FOXP2: variants seen among roughly 807,000 people sequenced by gnomAD.
FOXP2 encodes the protein forkhead box protein P2.
FOXP2 carries 12 observed loss-of-function variants against 115.8 expected under a neutral mutation model. That is an observed-to-expected ratio of 0.10 (90% CI 0.07 to 0.17). FOXP2 has a LOEUF of 0.17. Ranked by LOEUF, FOXP2 falls within the 10% of genes least tolerant of loss-of-function variation. The probability of loss-of-function intolerance (pLI) is 1.00; values close to 1 mark genes in which losing one functional copy is unlikely to be tolerated. For missense variants in FOXP2, 629 were observed against 843.5 expected, an observed-to-expected ratio of 0.75 and a Z score of 3.15; for synonymous variants, 328 against 297.7, an observed-to-expected ratio of 1.10 and a Z score of -1.05.
intron 2 of FOXP2, among the ~76,000 whole-genome samples, chr7:114,485,827 T>C (rs900953361): frequency 6.6e-6 from 1 of 152,142 alleles, no homozygotes; most frequent in African/African-American, 2.4e-5. Flanking sequence ...TAAGTAATGA[T>C]GTGTATAACT....
intron 2 of FOXP2, among the ~76,000 whole-genome samples, chr7:114,435,053 A>C (rs1362157175): frequency 6.6e-6 from 1 of 152,160 alleles, no homozygotes; most frequent in Non-Finnish European, 1.5e-5. Flanking sequence ...TCCATAACGG[A>C]AGTTGCCTTA....
chr7:114,551,982 A>G (rs1290518818), intron 3 of FOXP2, among the ~76,000 whole-genome samples: 1 of 152,216 alleles, frequency 6.6e-6, no homozygotes, highest in African/African-American at 2.4e-5. Flanking sequence ...TGTGCTTTCA[A>G]AAATAATCCA....
intron 16 of FOXP2, among the ~76,000 whole-genome samples, chr7:114,684,297 C>A (rs1808244068): frequency 6.6e-6 from 1 of 152,134 alleles, no homozygotes; most frequent in South Asian, 2.1e-4. Flanking sequence ...AGTGGTTTTG[C>A]TGAGGAAACA....
chr7:114,631,768 T>A, intron 6 of FOXP2, 63 bp downstream of exon 6: 1 of 1,556,372 alleles, frequency 6.4e-7, no homozygotes, highest in Non-Finnish European at 8.9e-7. Flanking sequence ...TTTCATGGCC[T>A]TTCTGCCTTA....
chr7:114,379,971 T>C (rs1185453874), intron 2 of FOXP2, among the ~76,000 whole-genome samples: 1 of 152,174 alleles, frequency 6.6e-6, no homozygotes, highest in African/African-American at 2.4e-5. Context: ...GGTTCCCTAT[T>C]CTATTTTTCC....
intron 1 of FOXP2, among the ~76,000 whole-genome samples, chr7:114,199,366 G>T (rs190830565): frequency 2.0e-5 from 3 of 152,074 alleles, no homozygotes; most frequent in Admixed American, 2.0e-4. Flanking sequence ...ATTTTAAAAT[G>T]TTATGAAAAT....
chr7:114,209,071 C>T (rs895748741), intron 1 of FOXP2, among the ~76,000 whole-genome samples: 2 of 152,156 alleles, frequency 1.3e-5, no homozygotes, highest in African/African-American at 4.8e-5. Context: ...CCATAATCCC[C>T]AGGTGTTGGA....
chr7:114,349,455 G>A (rs575549938), intron 2 of FOXP2, among the ~76,000 whole-genome samples: 1 of 152,222 alleles, frequency 6.6e-6, no homozygotes, highest in African/African-American at 2.4e-5. Flanking sequence ...TCCAGAGCCA[G>A]TATTTTAATT....
Position 114,569,047 on chromosome 7 carries a change from G to A in FOXP2, c.258+34341G>A, listed in dbSNP as rs181459609. On this transcript the variant is annotated intron_variant, in intron 3 of 16. Transcript: ENST00000350908. The stretch of plus-strand genomic sequence containing the variant: ...CAGTATTAAATATAAACAGTGTCAC[G>A]GCAGATTTGGAGTTATTGTGACAAT... 9.7e-4 allele frequency among the ~76,000 whole-genome samples: 147 copies of A among 151,932 alleles called. 2 individuals are homozygous for A. In the South Asian group the frequency reaches 0.014, roughly 14 times the overall value.
intron 3 of FOXP2, chr7:114,570,792 C>G: frequency 6.2e-7 from 1 of 1,607,464 alleles, no homozygotes; most frequent in South Asian, 1.1e-5. Context: ...TCCTGATTCT[C>G]TTTGTTTAAC....
chr7:114,499,140 A>G (rs1338614196), intron 2 of FOXP2: 1 of 503,420 alleles, frequency 2.0e-6, no homozygotes. Context: ...GCCTAGAAGA[A>G]ATGAACTACT....
At chr7:114,354,204 C>T (rs1252267541) in intron 2 of FOXP2, among the ~76,000 whole-genome samples, 2 of 152,072 alleles carry the variant, frequency 1.3e-5, no homozygotes, top group Non-Finnish European at 2.9e-5. Flanking sequence ...GGCCTTTGTA[C>T]TCATACTGAG....
chr7:114,441,020 G>A (rs764068205), intron 2 of FOXP2, among the ~76,000 whole-genome samples: 8 of 152,068 alleles, frequency 5.3e-5, no homozygotes, highest in Non-Finnish European at 1.0e-4. Flanking sequence ...CACAGGCTTG[G>A]GCAGATTACT....
intron 1 of FOXP2, among the ~76,000 whole-genome samples, chr7:114,418,816 T>G (rs1248720352): frequency 3.3e-5 from 5 of 152,018 alleles, no homozygotes; most frequent in East Asian, 1.9e-4. Flanking sequence ...GATGTGGCTA[T>G]TTCAATAAAC....
intron 1 of FOXP2, among the ~76,000 whole-genome samples, chr7:114,420,887 T>C (rs980883479): frequency 6.6e-6 from 1 of 151,706 alleles, no homozygotes; most frequent in African/African-American, 2.4e-5. Flanking sequence ...AAAGTAAAAA[T>C]TGGTGTACAT....
At chr7:114,374,428 TAAAC>T (rs1161377336) in intron 2 of FOXP2, among the ~76,000 whole-genome samples, 1 of 152,178 alleles carries the variant, frequency 6.6e-6, no homozygotes, top group African/African-American at 2.4e-5. Flanking sequence ...TTATATTCCT[TAAAC>T]AAATCAAAAA....
intron 2 of FOXP2, among the ~76,000 whole-genome samples, chr7:114,325,089 A>G (rs1459341287): frequency 2.0e-5 from 3 of 151,926 alleles, no homozygotes; most frequent in African/African-American, 7.2e-5. Context: ...TAGGTATTCA[A>G]TACTATTGTA....
At chr7:114,276,428 G>A (rs1275588854) in intron 1 of FOXP2, among the ~76,000 whole-genome samples, 1 of 152,056 alleles carries the variant, frequency 6.6e-6, no homozygotes, top group Non-Finnish European at 1.5e-5. Flanking sequence ...ACCTCCCAAT[G>A]TGCTAGAATT....
At chr7:114,438,339 TAA>T (rs1437933467) in intron 2 of FOXP2, among the ~76,000 whole-genome samples, 1 of 152,096 alleles carries the variant, frequency 6.6e-6, no homozygotes, top group Non-Finnish European at 1.5e-5. Context: ...AGGTCCCCTA[TAA>T]AAGAGAAGGG....
Sources: gnomAD v4.1 joint callset for allele counts (sites outside exome capture counted in the v4.1 genomes callset) on GRCh38, gnomAD v4.1.1 for gene constraint, MANE v1.5 for transcripts, NCBI Gene and HGNC (gene_info 2026-07-23, HGNC 2026-07-21) for gene names.